Variants in ZNF544 observed in about 807,000 individuals in gnomAD.
ZNF544 encodes the protein zinc finger protein AF020591.
In ZNF544, 10 loss-of-function variants were observed where a neutral mutation model predicts 13.5. The ratio of observed to expected loss-of-function variants is 0.74; its 90% confidence interval spans 0.46 to 1.25. The LOEUF is 1.25. Among genes scored for constraint, ZNF544 ranks in the 50% most tolerant of loss-of-function variants. The pLI is 0.00. For missense variants in ZNF544, 896 were observed against 845.6 expected (o/e 1.06, Z -0.74); for synonymous variants, 323 against 300.5 (o/e 1.07, Z -0.77).
chr19:58,275,800 AAAG>A lies in ZNF544; in HGVS notation c.245-522_245-520del, dbSNP rs1224326042. Among the ~76,000 whole-genome samples, 9 of 132,008 alleles carry A rather than the reference AAAG, an allele frequency of 6.8e-5. 1 individual carries two copies. The highest frequency in any genetic ancestry group is 9.5e-5 in the Non-Finnish European group (6 of 62,966). 86.6% of individuals were successfully genotyped at this position (132,008 alleles called of 152,430 possible). On this transcript the variant is annotated intron_variant, in intron 5 of 6. Transcript: ENST00000595981. ...CCCTGTCTCAAAAAAAAAAAAAAAA[AAAG>A]GAAAGAGGAAATAATAGGACATCAA...
rs758266839 is a variant in ZNF544, at chr19:58,262,677, A to G, written c.2071A>G (p.Ser691Gly). 1.2e-6 allele frequency: 2 copies of G among 1,613,132 alleles called. No individual in the cohort carries two copies. The highest frequency in any genetic ancestry group is 1.7e-6 in the Non-Finnish European group (2 of 1,179,240). ...IHSGEKPYEC[S>G]DCGKSFRQQS... Reference sequence around the variant, plus strand: ...TTCTGGAGAGAAACCCTATGAATGTAGTGACTGTGGGAAATCCTTCCGGCA... The same window carrying G: ...TTCTGGAGAGAAACCCTATGAATGTGGTGACTGTGGGAAATCCTTCCGGCA... Residue 691 changes from serine (S) to glycine (G), a missense_variant, in exon 7 of 7, where the codon AGT (serine) becomes GGT (glycine). Ser to Gly is a moderately conservative substitution (Grantham distance 56). Transcript: ENST00000687789.
chr19:58,256,722 CT>C (rs2147459461), intron 6 of ZNF544, among the ~76,000 whole-genome samples: 1 of 152,230 alleles, frequency 6.6e-6, no homozygotes, highest in East Asian at 1.9e-4. Context: ...TAATTGGGCT[CT>C]TTTGAAATGC....
chr19:58,270,969 T>C (rs2050558668), intron 5 of ZNF544, among the ~76,000 whole-genome samples: 1 of 152,182 alleles, frequency 6.6e-6, no homozygotes, highest in African/African-American at 2.4e-5. Flanking sequence ...CCCAGCACTT[T>C]GGGAGGCTGA....
chr19:58,229,437 CCTCAA>C (rs1198382983), intron 1 of ZNF544, 26 bp from the exon 2 acceptor site: 2 of 152,242 alleles, frequency 1.3e-5, no homozygotes, highest in Non-Finnish European at 2.9e-5. Context: ...CTTTTTCCTC[CCTCAA>C]CTCATCTTCT....
At chr19:58,268,247 C>T (rs189460658), downstream of ZNF544, among the ~76,000 whole-genome samples, 407 of 151,952 alleles carry the variant, frequency 2.7e-3, 2 homozygotes, top group Non-Finnish European at 4.6e-3. Context: ...TGCAGTGAGC[C>T]GAGGTCTAGT....
intron 3 of ZNF544, among the ~76,000 whole-genome samples, chr19:58,235,686 A>G (rs1354919913): frequency 6.6e-6 from 1 of 152,228 alleles, no homozygotes; most frequent in African/African-American, 2.4e-5. Flanking sequence ...GTATTTCTAA[A>G]TATATTGTAC....
At chr19:58,238,042 C>T (rs770439709) in intron 3 of ZNF544, among the ~76,000 whole-genome samples, 35 of 152,328 alleles carry the variant, frequency 2.3e-4, no homozygotes, top group Non-Finnish European at 4.4e-4. Context: ...AAGTGATTCT[C>T]CTGCCTCAGC....
In ZNF544 at chr19:58,246,209, CG is replaced by C. The variant is rs1035121275; in HGVS notation, c.34-86del. The C allele has an allele frequency of 2.6e-6, 4 of 1,559,952 alleles. No individual in the cohort carries two copies. The African/African-American group carries it at 5.4e-5, about 21-fold the overall frequency. On this transcript the variant is annotated intron_variant, in intron 4 of 6. Transcript: ENST00000687789. ...ATTAGGTTCCAATGTATGAATTTTACGGGGGGACACCAACATTTAGGCCTTA... is the reference window on the plus strand; with the variant it reads ...ATTAGGTTCCAATGTATGAATTTTACGGGGGACACCAACATTTAGGCCTTA...
chr19:58,275,776 C>G (rs1352957102), intron 5 of ZNF544, among the ~76,000 whole-genome samples: 1 of 76,196 alleles, frequency 1.3e-5, no homozygotes, highest in Middle Eastern at 0.012. Context: ...CAGGTGAGAC[C>G]CTGTCTCAAA....
intron 5 of ZNF544, among the ~76,000 whole-genome samples, chr19:58,270,230 G>A (rs1462344408): frequency 6.6e-6 from 1 of 151,880 alleles, no homozygotes; most frequent in Non-Finnish European, 1.5e-5. Flanking sequence ...AGGAGGAGGA[G>A]ATGCAGTCAG....
chr19:58,268,419 G>T (rs427988), downstream of ZNF544, among the ~76,000 whole-genome samples: 79,271 of 152,168 alleles, frequency 0.52, 20,990 homozygotes, highest in Middle Eastern at 0.64. Flanking sequence ...ACAATGTTTA[G>T]TGAGAAACAG....
downstream of ZNF544, among the ~76,000 whole-genome samples, chr19:58,266,312 A>T (rs748133048): frequency 6.6e-6 from 1 of 150,822 alleles, no homozygotes; most frequent in African/African-American, 2.4e-5. Flanking sequence ...AGGTCAGATC[A>T]AGACCATCCT....
intron 5 of ZNF544, among the ~76,000 whole-genome samples, chr19:58,274,064 G>T (rs1026410630): frequency 6.6e-6 from 1 of 152,096 alleles, no homozygotes; most frequent in South Asian, 2.1e-4. Context: ...AAAGTGCTGG[G>T]ATTACAAGTG....
chr19:58,264,812 G>A (rs1006637901), downstream of ZNF544, among the ~76,000 whole-genome samples: 18 of 152,172 alleles, frequency 1.2e-4, no homozygotes, highest in African/African-American at 4.1e-4. Flanking sequence ...ATTGAGACCA[G>A]TCTGGGCAAC....
chr19:58,266,251 G>C (rs1232533005), downstream of ZNF544, among the ~76,000 whole-genome samples: 2 of 149,862 alleles, frequency 1.3e-5, no homozygotes, highest in South Asian at 2.1e-4. Flanking sequence ...GTGTGCGGTG[G>C]CTCACGCCTG....
rs543931553 is a variant in ZNF544, at chr19:58,238,601, C to T, written c.-59-5364C>T. On this transcript the variant is annotated intron_variant, in intron 3 of 6. Transcript: ENST00000687789. ...AGCATCGATGTCACAGGCTTCCAGG[C>T]AGAGGAGTGCGTACGTGAGGGTCTG... 2.6e-5 allele frequency among the ~76,000 whole-genome samples: 4 copies of T among 152,256 alleles called. No individual in the cohort carries two copies. In the East Asian group the frequency reaches 7.7e-4, roughly 29 times the overall value.
At chr19:58,251,390 G>A in intron 6 of ZNF544, 1 of 518,990 alleles carries the variant, frequency 1.9e-6, no homozygotes, top group South Asian at 1.4e-5. Context: ...CATAACACAG[G>A]CTTGACACCA....
intron 6 of ZNF544, among the ~76,000 whole-genome samples, chr19:58,250,410 T>C (rs941700845): frequency 6.6e-6 from 1 of 152,222 alleles, no homozygotes; most frequent in Admixed American, 6.5e-5. Flanking sequence ...AGGGAAAATA[T>C]GATCATAGCT....
At chr19:58,239,553 T>C (rs756087952) in intron 3 of ZNF544, among the ~76,000 whole-genome samples, 4 of 152,188 alleles carry the variant, frequency 2.6e-5, no homozygotes, top group Non-Finnish European at 5.9e-5. Flanking sequence ...CTCAGAACTC[T>C]GAAAAGCTCT....
Sources: allele counts gnomAD v4.1 joint callset (sites outside exome capture counted in the v4.1 genomes callset), GRCh38; gene constraint gnomAD v4.1.1; transcripts MANE v1.5; gene names NCBI Gene and HGNC (gene_info 2026-07-23, HGNC 2026-07-21).